Variants in CADM2 observed in about 807,000 individuals in gnomAD.
CADM2 encodes cell adhesion molecule 2.
A neutral mutation model predicts 49.8 loss-of-function variants in CADM2; 12 were observed. The ratio of observed to expected loss-of-function variants is 0.24; its 90% CI spans 0.15 to 0.39. The LOEUF is 0.39. CADM2 is among the 10% of genes least tolerant of loss of function. The probability of loss-of-function intolerance (pLI) is 1.00; values close to 1 mark genes in which losing one functional copy is unlikely to be tolerated. For synonymous variants in CADM2, 214 were observed against 175.4 expected, an observed-to-expected ratio of 1.22 and a Z score of -1.74; for missense variants, 378 against 492.3, an observed-to-expected ratio of 0.77 and a Z score of 2.20.
At chr3:85,773,007 A>G (rs1321338081) in intron 2 of CADM2, among the ~76,000 whole-genome samples, 1 of 151,840 alleles carries the variant, frequency 6.6e-6, no homozygotes, top group African/African-American at 2.4e-5. Context: ...TAGCTCCTAT[A>G]ACAGATAGAT....
intron 1 of CADM2, among the ~76,000 whole-genome samples, chr3:85,135,856 T>A (rs1362940471): frequency 6.6e-6 from 1 of 152,062 alleles, no homozygotes; most frequent in Non-Finnish European, 1.5e-5. Context: ...TTTAGCTCTC[T>A]GAGTTCAAAG....
chr3:85,840,924 A>T (rs1369028689), intron 3 of CADM2, among the ~76,000 whole-genome samples: 2 of 151,808 alleles, frequency 1.3e-5, no homozygotes, highest in Admixed American at 6.6e-5. Flanking sequence ...AAACCCAAAA[A>T]ATAAGCTGAA....
At chr3:85,805,033 T>C (rs1234087625) in intron 3 of CADM2, among the ~76,000 whole-genome samples, 3 of 152,134 alleles carry the variant, frequency 2.0e-5, no homozygotes, top group Non-Finnish European at 2.9e-5. Flanking sequence ...CTCCGCTTCC[T>C]CGGCTCCAGC....
intron 2 of CADM2, among the ~76,000 whole-genome samples, chr3:85,749,827 A>C (rs2068790806): frequency 6.6e-6 from 1 of 151,970 alleles, no homozygotes; most frequent in Non-Finnish European, 1.5e-5. Flanking sequence ...ATCCCTAAAT[A>C]GTTTTTGTTT....
At chr3:85,832,477 A>G (rs568386491) in intron 3 of CADM2, among the ~76,000 whole-genome samples, 1 of 151,984 alleles carries the variant, frequency 6.6e-6, no homozygotes, top group Non-Finnish European at 1.5e-5. Flanking sequence ...TCTTTGTATC[A>G]TCTATGATTT....
At chr3:86,013,349 T>G in intron 8 of CADM2, 1 of 1,541,096 alleles carries the variant, frequency 6.5e-7, no homozygotes, top group South Asian at 1.1e-5. Flanking sequence ...AATCTCTATT[T>G]GAATTATTGA....
At chr3:85,296,983 G>T (rs189585996) in intron 1 of CADM2, among the ~76,000 whole-genome samples, 1 of 151,728 alleles carries the variant, frequency 6.6e-6, no homozygotes, top group Non-Finnish European at 1.5e-5. Context: ...ATTACATTCT[G>T]TTGGGTCTCT....
chr3:85,914,259 T>C (rs1020131466), intron 6 of CADM2, among the ~76,000 whole-genome samples: 1 of 152,108 alleles, frequency 6.6e-6, no homozygotes, highest in African/African-American at 2.4e-5. Context: ...ATTTGTATTT[T>C]GGCTTTGGGA....
chr3:85,139,000 T>C (rs188958226), intron 1 of CADM2, among the ~76,000 whole-genome samples: 11 of 152,318 alleles, frequency 7.2e-5, no homozygotes, highest in Admixed American at 7.2e-4. Flanking sequence ...TTGAGTTCTA[T>C]GTGTTCAGCT....
intron 1 of CADM2, among the ~76,000 whole-genome samples, chr3:84,984,534 C>G (rs1438403628): frequency 1.3e-5 from 2 of 151,450 alleles, no homozygotes; most frequent in African/African-American, 4.9e-5. Flanking sequence ...GCTACATTCT[C>G]TCTTTCAACA....
At chr3:85,530,322 G>GTTT (rs57504567) in intron 1 of CADM2, among the ~76,000 whole-genome samples, 1,082 of 31,212 alleles carry the variant, frequency 0.035, 233 homozygotes, top group Middle Eastern at 0.15. Context: ...TCTTTTCTCC[G>GTTT]TTTTTTTTTT....
chr3:85,173,688 G>A (rs941880540), intron 1 of CADM2, among the ~76,000 whole-genome samples: 6 of 152,150 alleles, frequency 3.9e-5, no homozygotes, highest in Non-Finnish European at 7.4e-5. Context: ...TGAAGCATGA[G>A]AGAATGATGC....
intron 8 of CADM2, among the ~76,000 whole-genome samples, chr3:86,057,489 A>AATC (rs1235195109): frequency 6.6e-6 from 1 of 152,304 alleles, no homozygotes; most frequent in East Asian, 1.9e-4. Flanking sequence ...TATAAAAAAC[A>AATC]ATCTGTTTGG....
chr3:85,591,830 T>C (rs957056327), intron 1 of CADM2, among the ~76,000 whole-genome samples: 2 of 152,020 alleles, frequency 1.3e-5, no homozygotes, highest in Admixed American at 6.6e-5. Context: ...GAATTCTATA[T>C]AGAGAAAATA....
At chr3:85,003,387 A>T (rs1027646928) in intron 1 of CADM2, among the ~76,000 whole-genome samples, 1 of 152,156 alleles carries the variant, frequency 6.6e-6, no homozygotes, top group Non-Finnish European at 1.5e-5. Flanking sequence ...AAAAAATCTT[A>T]TATTTTTAGG....
rs1277660456 is a variant in CADM2 at position 85,813,970 on chromosome 3, T to C, written c.238+11774T>C. On this transcript the variant is annotated intron_variant, in intron 3 of 9. Transcript: ENST00000383699. ...TGTAATATAGTTTGAAGTCAGGTAG[T>C]GTGATGCCTCCAGCTTTGTTCTTGT... 4.6e-5 allele frequency among the ~76,000 whole-genome samples: 7 copies of C among 152,190 alleles called. No homozygotes were observed. In the East Asian group the frequency reaches 1.4e-3, roughly 29 times the overall value.
intron 1 of CADM2, among the ~76,000 whole-genome samples, chr3:85,123,829 T>C (rs559286206): frequency 2.8e-4 from 42 of 152,318 alleles, no homozygotes; most frequent in African/African-American, 9.9e-4. Context: ...GGACATTATA[T>C]TAAATATAGT....
intron 6 of CADM2, among the ~76,000 whole-genome samples, chr3:85,916,942 A>G (rs1345733034): frequency 2.0e-5 from 3 of 151,990 alleles, no homozygotes; most frequent in East Asian, 1.9e-4. Flanking sequence ...GCATTTTTTC[A>G]TGTGTTTTTT....
intron 1 of CADM2, among the ~76,000 whole-genome samples, chr3:85,065,688 C>T (rs1293326795): frequency 6.6e-6 from 1 of 152,082 alleles, no homozygotes; most frequent in Non-Finnish European, 1.5e-5. Flanking sequence ...TTTTATTACT[C>T]ATCCTTCTAT....
Sources: gnomAD v4.1 joint callset for allele counts (sites outside exome capture counted in the v4.1 genomes callset) on GRCh38, gnomAD v4.1.1 for gene constraint, MANE v1.5 for transcripts, NCBI Gene and HGNC (gene_info 2026-07-23, HGNC 2026-07-21) for gene names.